LYPLAL1: variants seen among roughly 807,000 people sequenced by gnomAD.
The protein encoded by LYPLAL1 is lysophospholipase-like protein 1.
Under a neutral mutation model 19.7 loss-of-function variants are expected in LYPLAL1, and 23 were observed. The ratio of observed to expected loss-of-function variants is 1.17; its 90% CI spans 0.84 to 1.65. LYPLAL1 has a LOEUF of 1.65. Ranked by LOEUF, LYPLAL1 falls within the 40% of genes most tolerant of loss-of-function variation. The pLI, the probability that LYPLAL1 is intolerant of heterozygous loss-of-function variation, is 0.00. For synonymous variants in LYPLAL1, 119 were observed against 96.3 expected, an observed-to-expected ratio of 1.24 and a Z score of -1.38; for missense variants, 355 against 279.4, an observed-to-expected ratio of 1.27 and a Z score of -1.93.
chr1:219,353,182 A>G, the LYPLAL1 span, among the ~76,000 whole-genome samples: 1 of 152,256 alleles, frequency 6.6e-6, no homozygotes, highest in Non-Finnish European at 1.5e-5. Flanking sequence ...CACAGGAAGG[A>G]GCAATCAAAG....
the LYPLAL1 span, among the ~76,000 whole-genome samples, chr1:219,339,464 C>A: frequency 6.6e-6 from 1 of 151,922 alleles, no homozygotes; most frequent in African/African-American, 2.4e-5. Flanking sequence ...AGAATTAAAT[C>A]CTTTTCCATG....
At chr1:219,252,269 T>C in the LYPLAL1 span, among the ~76,000 whole-genome samples, 1 of 152,092 alleles carries the variant, frequency 6.6e-6, no homozygotes, top group South Asian at 2.1e-4. Flanking sequence ...GGATGCCCTT[T>C]ATTTCTTTCT....
the LYPLAL1 span, among the ~76,000 whole-genome samples, chr1:219,348,648 G>A: frequency 6.6e-6 from 1 of 152,102 alleles, no homozygotes; most frequent in East Asian, 1.9e-4. Flanking sequence ...TTTGATTACT[G>A]TACAGTCTAT....
chr1:219,256,275 C>A, the LYPLAL1 span, among the ~76,000 whole-genome samples: 20 of 151,592 alleles, frequency 1.3e-4, no homozygotes, highest in African/African-American at 4.8e-4. Flanking sequence ...GAATTAGTGC[C>A]AGGAATGTGT....
downstream of LYPLAL1, among the ~76,000 whole-genome samples, chr1:219,213,753 G>T (rs751428095): frequency 1.4e-4 from 22 of 151,992 alleles, no homozygotes; most frequent in Non-Finnish European, 2.5e-4. Flanking sequence ...TGTTGGTCTT[G>T]ATCTTATGGA....
chr1:219,254,493 C>T, the LYPLAL1 span, among the ~76,000 whole-genome samples: 1 of 152,008 alleles, frequency 6.6e-6, no homozygotes, highest in Non-Finnish European at 1.5e-5. Flanking sequence ...ATTCCCTCAA[C>T]ATTTGCTTAT....
At chr1:219,438,860 T>C in the LYPLAL1 span, among the ~76,000 whole-genome samples, 1 of 152,188 alleles carries the variant, frequency 6.6e-6, no homozygotes, top group African/African-American at 2.4e-5. Flanking sequence ...AAAAATGAAA[T>C]TGTAATGACA....
chr1:219,405,670 A>C, the LYPLAL1 span, among the ~76,000 whole-genome samples: 1 of 152,224 alleles, frequency 6.6e-6, no homozygotes, highest in African/African-American at 2.4e-5. Flanking sequence ...GCAAGGTAGC[A>C]ATAAACCTTT....
rs760384387 is a variant in LYPLAL1, at chr1:219,173,925, G to C, written c.35G>C (p.Cys12Ser). Residue 12 changes from cysteine to serine, a missense_variant, in exon 1 of 5, where the codon TGT (cysteine) becomes TCT (serine). Coordinates refer to ENST00000366928, the MANE Select transcript of LYPLAL1 (RefSeq NM_138794.5). ...GCGTCGGGGTCGGTTCTGCAGCGCTGTATCGTGTCGCCGGCAGGGAGGCAT... is the reference window on the plus strand; with the variant it reads ...GCGTCGGGGTCGGTTCTGCAGCGCTCTATCGTGTCGCCGGCAGGGAGGCAT... ...AAASGSVLQR[C>S]IVSPAGRHSA... 4 of 1,613,800 alleles carry C rather than the reference G, an allele frequency of 2.5e-6. No homozygotes were observed. The Admixed American group carries it at 5.0e-5, about 20-fold the overall frequency.
At chr1:219,370,546 A>G in the LYPLAL1 span, among the ~76,000 whole-genome samples, 4 of 152,178 alleles carry the variant, frequency 2.6e-5, no homozygotes, top group African/African-American at 9.7e-5. Context: ...CTTTTGATCC[A>G]TGAGGAAGCA....
chr1:219,242,898 T>C, the LYPLAL1 span, among the ~76,000 whole-genome samples: 1 of 152,194 alleles, frequency 6.6e-6, no homozygotes, highest in East Asian at 1.9e-4. Flanking sequence ...GAGTTTAAAC[T>C]GTAAAAGCAT....
At chr1:219,392,324 G>A in the LYPLAL1 span, among the ~76,000 whole-genome samples, 1 of 152,316 alleles carries the variant, frequency 6.6e-6, no homozygotes, top group South Asian at 2.1e-4. Flanking sequence ...GACAGTGGTT[G>A]CAATGAAAGG....
At chr1:219,345,453 G>T in the LYPLAL1 span, among the ~76,000 whole-genome samples, 8 of 152,096 alleles carry the variant, frequency 5.3e-5, no homozygotes, top group African/African-American at 1.7e-4. Context: ...TGGGGATTTG[G>T]TTTTGTTTTG....
the LYPLAL1 span, among the ~76,000 whole-genome samples, chr1:219,335,313 A>G: frequency 2.6e-5 from 4 of 151,950 alleles, no homozygotes; most frequent in Admixed American, 6.6e-5. Context: ...GAACTGCTGA[A>G]TTACTTATTA....
chr1:219,210,751 G>A (rs1658968685), intron 4 of LYPLAL1, 104 bp downstream of exon 4: 2 of 1,049,176 alleles, frequency 1.9e-6, no homozygotes, highest in Non-Finnish European at 2.7e-6. Flanking sequence ...CACAGTTGAT[G>A]CACAGTTGAT....
chr1:219,344,089 C>A, the LYPLAL1 span, among the ~76,000 whole-genome samples: 3 of 152,152 alleles, frequency 2.0e-5, no homozygotes, highest in Non-Finnish European at 2.9e-5. Flanking sequence ...TTTCTGAGAT[C>A]TGCTGCCCCC....
intron 2 of LYPLAL1, among the ~76,000 whole-genome samples, chr1:219,192,349 G>A (rs1196719113): frequency 6.6e-6 from 1 of 151,662 alleles, no homozygotes; most frequent in Non-Finnish European, 1.5e-5. Context: ...GGAGGTATTG[G>A]TGTGGAAAGA....
chr1:219,213,442 C>CA (rs549367764), downstream of LYPLAL1, among the ~76,000 whole-genome samples: 402 of 137,588 alleles, frequency 2.9e-3, 4 homozygotes, highest in South Asian at 0.031. Flanking sequence ...TCTGTATCTA[C>CA]AAAAAAAAAA....
chr1:219,298,602 A>C, the LYPLAL1 span, among the ~76,000 whole-genome samples: 1 of 152,156 alleles, frequency 6.6e-6, no homozygotes, highest in South Asian at 2.1e-4. Context: ...ACAACAGGCA[A>C]ATTAGGGAAC....
Sources: allele counts gnomAD v4.1 joint callset (sites outside exome capture counted in the v4.1 genomes callset), GRCh38; gene constraint gnomAD v4.1.1; transcripts MANE v1.5; gene names NCBI Gene and HGNC (gene_info 2026-07-23, HGNC 2026-07-21).